The following DDX31 variants were observed in gnomAD, a reference collection of about 807,000 sequenced individuals.
The protein encoded by DDX31 is DEAD-box helicase 31, also known as ATP-dependent DNA helicase DDX31.
Under a neutral mutation model 91.3 loss-of-function variants are expected in DDX31, and 70 were observed. The observed-to-expected ratio is 0.77, with a 90% CI of 0.63 to 0.94. The LOEUF (loss-of-function observed/expected upper bound fraction) is 0.94. Among genes scored for constraint, DDX31 ranks in the 40% least tolerant of loss-of-function variants. The pLI is 0.00. For missense variants in DDX31, 902 were observed against 925.0 expected, an observed-to-expected ratio of 0.98 and a Z score of 0.32; for synonymous variants, 362 against 350.6, an observed-to-expected ratio of 1.03 and a Z score of -0.36.
intron 1 of DDX31, among the ~76,000 whole-genome samples, chr9:132,667,429 C>T (rs1198344204): frequency 6.6e-6 from 1 of 151,750 alleles, no homozygotes; most frequent in Non-Finnish European, 1.5e-5. Flanking sequence ...AGTGAAACCC[C>T]ATCTCTATTA....
At chr9:132,636,519 C>T (rs1329618583) in intron 14 of DDX31, among the ~76,000 whole-genome samples, 1 of 152,190 alleles carries the variant, frequency 6.6e-6, no homozygotes, top group South Asian at 2.1e-4. Flanking sequence ...TCTAAAGACT[C>T]TAAAATAACA....
chr9:132,635,511 G>A (rs1833054639), intron 14 of DDX31, among the ~76,000 whole-genome samples: 1 of 145,948 alleles, frequency 6.9e-6, no homozygotes. Flanking sequence ...CCAGGCTGGA[G>A]TGCAGTGGTC....
chr9:132,607,533 C>G (rs1831092471), intron 19 of DDX31, among the ~76,000 whole-genome samples: 1 of 152,242 alleles, frequency 6.6e-6, no homozygotes, highest in African/African-American at 2.4e-5. Flanking sequence ...GGGGTAAAAC[C>G]AGTCTTAGGT....
At chr9:132,645,569 A>T (rs1833778128) in intron 13 of DDX31, among the ~76,000 whole-genome samples, 2 of 152,116 alleles carry the variant, frequency 1.3e-5, no homozygotes, top group Admixed American at 1.3e-4. Flanking sequence ...CCAGCTACTT[A>T]GTGGTACTCT....
intron 18 of DDX31, among the ~76,000 whole-genome samples, chr9:132,614,659 C>G (rs946462191): frequency 1.3e-5 from 2 of 152,212 alleles, no homozygotes; most frequent in Non-Finnish European, 2.9e-5. Flanking sequence ...CTGGTCACCT[C>G]TCTTCCTCTC....
intron 7 of DDX31, 73 bp from the exon 8 acceptor site, chr9:132,651,189 G>A: frequency 1.6e-6 from 2 of 1,288,690 alleles, no homozygotes; most frequent in Non-Finnish European, 2.2e-6. Context: ...AATTTAATGT[G>A]ATTAGGATCC....
At chr9:132,659,581 A>T in intron 5 of DDX31, 129 bp downstream of exon 5, 1 of 791,608 alleles carries the variant, frequency 1.3e-6, no homozygotes, top group South Asian at 1.7e-5. Context: ...TCTAATCAAA[A>T]GCATGGCCTC....
chr9:132,652,314 G>T, intron 7 of DDX31, 134 bp downstream of exon 7: 2 of 958,636 alleles, frequency 2.1e-6, no homozygotes, highest in Non-Finnish European at 3.1e-6. Flanking sequence ...CCAGAAGGAT[G>T]GTTTCCAGGC....
At chr9:132,658,625 G>T in intron 6 of DDX31, 46 bp downstream of exon 6, 1 of 1,526,856 alleles carries the variant, frequency 6.5e-7, no homozygotes, top group Non-Finnish European at 9.0e-7. Context: ...TTTGATGGTT[G>T]CTTATGCACT....
At chr9:132,616,730 C>T (rs940568846) in intron 18 of DDX31, among the ~76,000 whole-genome samples, 5 of 137,524 alleles carry the variant, frequency 3.6e-5, no homozygotes, top group Admixed American at 7.2e-5. Flanking sequence ...GTAGGAAAAC[C>T]CTTGGGAATT....
In DDX31 at chr9:132,645,927, AT is replaced by A. The variant is rs763067631; in HGVS notation, c.1347del (p.Lys449AsnfsTer39). ...GQLPSASMRL[K>X]FLRLHGGMEQ... ...TCCATGCCGCCATGCAGCCGTAGGA[AT>A]TTTAATCGCATGGAGGCAGATGGCA... On this transcript the variant is annotated frameshift_variant, in exon 13 of 20. Coordinates refer to ENST00000372159, the MANE Select transcript of DDX31 (RefSeq NM_022779.9). LOFTEE classifies it high-confidence loss of function. The A allele has an allele frequency of 2.5e-6, 4 of 1,613,602 alleles. No homozygotes were observed. Among genetic ancestry groups the A allele is most frequent in the Non-Finnish European group, 3.4e-6 (4 of 1,179,828 alleles).
chr9:132,599,946 A>G (rs1025198118), intron 19 of DDX31, among the ~76,000 whole-genome samples: 5 of 152,242 alleles, frequency 3.3e-5, no homozygotes, highest in African/African-American at 7.2e-5. Flanking sequence ...AAGTCTCTAC[A>G]CTTGTGCCTG....
intron 18 of DDX31, among the ~76,000 whole-genome samples, chr9:132,618,124 G>A (rs1050580849): frequency 3.9e-5 from 6 of 152,204 alleles, no homozygotes; most frequent in Non-Finnish European, 8.8e-5. Context: ...AAAACATGGG[G>A]AAGGATGAAA....
At chr9:132,658,399 AG>A (rs1834712042) in intron 6 of DDX31, 1 of 702,790 alleles carries the variant, frequency 1.4e-6, no homozygotes, top group Admixed American at 2.0e-5. Context: ...AGATTCAAGA[AG>A]GGAACACATG....
Position 132,595,020 on chromosome 9 carries a change from T to C in DDX31, c.2087A>G (p.Lys696Arg). The stretch of plus-strand genomic sequence containing the variant: ...TCCAGGTGCGTTTTGCTTTTTGACC[T>C]TGGCGATGTCGGCCTCCATGCCGCT... Reference protein sequence around the residue: ...YSSGMEADIAKVKKQNAPGEP... With the variant: ...YSSGMEADIARVKKQNAPGEP... The change falls in exon 20 of 20, where the codon AAG becomes AGG. Residue 696 changes from lysine (K) to arginine (R), a missense_variant. Coordinates refer to ENST00000372159, the MANE Select transcript of DDX31 (RefSeq NM_022779.9). This position sits in a 1 kb window ranked among gnomAD's most constrained non-coding sequence, Gnocchi z 4.6. The C allele has an allele frequency of 1.2e-6, 2 of 1,614,222 alleles. No homozygotes were observed. Among genetic ancestry groups the C allele is most frequent in the Non-Finnish European group, 1.7e-6 (2 of 1,180,040 alleles).
intron 19 of DDX31, among the ~76,000 whole-genome samples, chr9:132,597,203 G>C (rs1311462429): frequency 6.6e-6 from 1 of 152,182 alleles, no homozygotes; most frequent in African/African-American, 2.4e-5. Flanking sequence ...AGAGCAGCGA[G>C]TCTCATCATG....
In DDX31 at chr9:132,595,040, G is replaced by A. The variant is rs138687182; in HGVS notation, c.2067C>T (p.Gly689=). Residue 689 remains glycine, a synonymous_variant, in exon 20 of 20, where the codon GGC becomes GGT. Coordinates refer to ENST00000372159, the MANE Select transcript of DDX31 (RefSeq NM_022779.9). This position sits in a 1 kb window ranked among gnomAD's most constrained non-coding sequence, Gnocchi z 4.6. The part of the protein sequence containing the change: ...AEILRSEYSS[G]MEADIAKVKK... ...TGACCTTGGCGATGTCGGCCTCCATGCCGCTTGAGTATTCCGAACGTAGGA... is the reference window on the plus strand; with the variant it reads ...TGACCTTGGCGATGTCGGCCTCCATACCGCTTGAGTATTCCGAACGTAGGA... 3.0e-4 allele frequency: 490 copies of A among 1,614,098 alleles called. No individual in the cohort carries two copies. Among genetic ancestry groups the A allele is most frequent in the Non-Finnish European group, 3.9e-4 (455 of 1,180,050 alleles).
intron 1 of DDX31, 141 bp from the exon 2 acceptor site, chr9:132,662,836 G>A (rs1835065837): frequency 1.7e-6 from 2 of 1,211,568 alleles, no homozygotes; most frequent in Non-Finnish European, 2.3e-6. Context: ...CAACAGTTTA[G>A]GGTTTGCAAT....
At chr9:132,663,493 T>C in intron 1 of DDX31, 3 of 985,450 alleles carry the variant, frequency 3.0e-6, no homozygotes, top group Non-Finnish European at 3.6e-6. Context: ...TGTGCTTAAA[T>C]GCATGATGTC....
Sources: gnomAD v4.1 joint callset for allele counts (sites outside exome capture counted in the v4.1 genomes callset) on GRCh38, gnomAD v4.1.1 for gene constraint, Gnocchi (gnomAD v3.1) non-coding constraint, MANE v1.5 for transcripts, NCBI Gene and HGNC (gene_info 2026-07-23, HGNC 2026-07-21) for gene names.